Variants in CNTNAP2 observed in about 807,000 individuals in gnomAD.
The protein encoded by CNTNAP2 is contactin associated protein 2, also known as contactin-associated protein-like 2.
A neutral mutation model predicts 155.2 loss-of-function variants in CNTNAP2; 98 were observed. The observed-to-expected ratio is 0.63, with a 90% confidence interval of 0.54 to 0.75. CNTNAP2 has a LOEUF of 0.75. CNTNAP2 is among the 30% of genes least tolerant of loss of function. CNTNAP2 has a pLI of 0.00. For missense variants in CNTNAP2, 1,727 were observed against 1,688.1 expected (o/e 1.02, Z -0.40); for synonymous variants, 651 against 631.2 (o/e 1.03, Z -0.47).
chr7:146,420,767 T>C (rs1281965823), intron 1 of CNTNAP2, among the ~76,000 whole-genome samples: 2 of 152,088 alleles, frequency 1.3e-5, no homozygotes, highest in African/African-American at 4.8e-5. Flanking sequence ...AATAATTCCA[T>C]TGAGTTATAT....
At chr7:147,969,808 A>G (rs1246353219) in intron 14 of CNTNAP2, among the ~76,000 whole-genome samples, 4 of 152,088 alleles carry the variant, frequency 2.6e-5, no homozygotes, top group African/African-American at 9.7e-5. Context: ...TAACAATTAG[A>G]TAGTTTTTGG....
At chr7:146,862,608 A>C (rs148985806) in intron 3 of CNTNAP2, among the ~76,000 whole-genome samples, 78 of 152,338 alleles carry the variant, frequency 5.1e-4, no homozygotes, top group Admixed American at 1.3e-3. Flanking sequence ...GGAAAGGCAT[A>C]ATGTTACTTG....
intron 1 of CNTNAP2, among the ~76,000 whole-genome samples, chr7:146,714,078 C>T (rs1454266700): frequency 6.6e-5 from 10 of 152,056 alleles, no homozygotes; most frequent in Non-Finnish European, 7.4e-5. Context: ...TCCTGGAGTG[C>T]ACTTCTCTGC....
intron 1 of CNTNAP2, among the ~76,000 whole-genome samples, chr7:146,765,532 C>A (rs139753858): frequency 8.5e-5 from 13 of 152,278 alleles, no homozygotes; most frequent in African/African-American, 2.9e-4. Flanking sequence ...TTCAACAGCT[C>A]TCTGCAAGGT....
intron 14 of CNTNAP2, among the ~76,000 whole-genome samples, chr7:147,919,635 T>C (rs1260261289): frequency 6.6e-6 from 1 of 151,552 alleles, no homozygotes; most frequent in Non-Finnish European, 1.5e-5. Flanking sequence ...ATTTTTTGTA[T>C]TTTTAGTAGA....
intron 9 of CNTNAP2, among the ~76,000 whole-genome samples, chr7:147,338,097 G>A (rs1795695258): frequency 6.6e-6 from 1 of 152,076 alleles, no homozygotes; most frequent in East Asian, 1.9e-4. Context: ...AAGAAAAGAG[G>A]TTTAATTGAC....
intron 13 of CNTNAP2, among the ~76,000 whole-genome samples, chr7:147,860,348 A>T (rs1174825328): frequency 6.6e-6 from 1 of 152,052 alleles, no homozygotes; most frequent in East Asian, 1.9e-4. Flanking sequence ...CGTTTGGACC[A>T]AGGAGGTGGA....
At chr7:146,603,834 A>G (rs1263039127) in intron 1 of CNTNAP2, among the ~76,000 whole-genome samples, 1 of 148,372 alleles carries the variant, frequency 6.7e-6, no homozygotes, top group Non-Finnish European at 1.5e-5. Flanking sequence ...AGGATTCCCT[A>G]TTTAATAAAT....
At chr7:146,978,720 A>G (rs909298073) in intron 3 of CNTNAP2, among the ~76,000 whole-genome samples, 2 of 151,190 alleles carry the variant, frequency 1.3e-5, no homozygotes, top group African/African-American at 4.8e-5. Flanking sequence ...TAATATATAT[A>G]TTTAACTCTC....
chr7:146,677,112 A>G (rs1029532843), intron 1 of CNTNAP2, among the ~76,000 whole-genome samples: 6 of 152,188 alleles, frequency 3.9e-5, no homozygotes, highest in African/African-American at 1.2e-4. Flanking sequence ...ACATCAATCA[A>G]TATGTATTAG....
chr7:147,367,773 A>C (rs1257056742), intron 9 of CNTNAP2, among the ~76,000 whole-genome samples: 1 of 152,124 alleles, frequency 6.6e-6, no homozygotes, highest in Admixed American at 6.5e-5. Context: ...GTTAAACAAT[A>C]GAGGGTTTTT....
rs199930400 is a variant in CNTNAP2 at position 148,192,530 on chromosome 7, C to CAA, written c.3010+20062_3010+20063dup. 1.1e-3 allele frequency among the ~76,000 whole-genome samples: 144 copies of CAA among 135,884 alleles called. No individual in the cohort carries two copies. The East Asian group carries it at 0.023, about 22-fold the overall frequency. 89.1% of individuals were successfully genotyped at this position (135,884 alleles called of 152,430 possible). A position where few individuals can be genotyped will look rare whatever the true frequency, so the allele number is the denominator to read the frequency against. ...TAACGAAAAGAAAGAAATGGATGACCAAAAAAAAAAACAAAAAACAAAAAA... is the reference window on the plus strand; with the variant it reads ...TAACGAAAAGAAAGAAATGGATGACCAAAAAAAAAAAAACAAAAAACAAAAAA... On this transcript the variant is annotated intron_variant, in intron 18 of 23. Coordinates refer to ENST00000361727, the MANE Select transcript of CNTNAP2 (RefSeq NM_014141.6).
At chr7:147,980,715 G>A (rs1801508784) in intron 15 of CNTNAP2, among the ~76,000 whole-genome samples, 1 of 150,950 alleles carries the variant, frequency 6.6e-6, no homozygotes. Context: ...ACGAGGTCAG[G>A]AGATCGAGAC....
At chr7:147,117,288 C>A (rs939205908) in intron 5 of CNTNAP2, among the ~76,000 whole-genome samples, 2 of 152,118 alleles carry the variant, frequency 1.3e-5, no homozygotes, top group Non-Finnish European at 2.9e-5. Context: ...GCTCTGGTGT[C>A]ATGGGCTCAC....
intron 15 of CNTNAP2, among the ~76,000 whole-genome samples, chr7:147,997,307 A>G (rs1801820635): frequency 6.6e-6 from 1 of 152,040 alleles, no homozygotes; most frequent in African/African-American, 2.4e-5. Context: ...TAATCCCAGC[A>G]CTTTGGGAGG....
At chr7:147,489,099 G>T (rs1421760415) in intron 11 of CNTNAP2, among the ~76,000 whole-genome samples, 11 of 152,200 alleles carry the variant, frequency 7.2e-5, no homozygotes, top group African/African-American at 2.4e-4. Flanking sequence ...GATTTGGACT[G>T]CAGTGAATGA....
At chr7:147,618,060 A>G (rs1801325239) in intron 12 of CNTNAP2, among the ~76,000 whole-genome samples, 1 of 152,224 alleles carries the variant, frequency 6.6e-6, no homozygotes, top group African/African-American at 2.4e-5. Flanking sequence ...CTATGCCCAA[A>G]GAAAACAGAC....
chr7:147,379,939 GCTT>G (rs1465794840), intron 9 of CNTNAP2, among the ~76,000 whole-genome samples: 227 of 152,086 alleles, frequency 1.5e-3, no homozygotes, highest in African/African-American at 5.3e-3. Context: ...ATACCCAAAA[GCTT>G]CTCCTATTTT....
In CNTNAP2 at chr7:146,774,705, TAAA is replaced by T. The variant is rs565287833; in HGVS notation, c.208+328_208+330del. On this transcript the variant is annotated intron_variant, in intron 2 of 23. Transcript: ENST00000361727. ...AATCAGAAAATCATTTAGAAAGATG[TAAA>T]AAAGAATTGACTCCCAAAATGCGTA... 2.8e-3 allele frequency among the ~76,000 whole-genome samples: 421 copies of T among 152,256 alleles called. 9 individuals are homozygous for T. The highest frequency in any genetic ancestry group is 0.025 in the Admixed American group (375 of 15,296).
Sources: allele counts gnomAD v4.1 joint callset (sites outside exome capture counted in the v4.1 genomes callset), GRCh38; gene constraint gnomAD v4.1.1; transcripts MANE v1.5; gene names NCBI Gene and HGNC (gene_info 2026-07-23, HGNC 2026-07-21).